The following COL5A1 variants were observed in gnomAD, a reference collection of about 807,000 sequenced individuals.
COL5A1 encodes collagen type V alpha 1 chain.
A neutral mutation model predicts 263.7 loss-of-function variants in COL5A1; 16 were observed. The observed-to-expected ratio is 0.06, with a 90% CI of 0.04 to 0.09. The LOEUF is 0.09. Ranked by LOEUF, COL5A1 falls within the 10% of genes least tolerant of loss-of-function variation. The pLI is 1.00. For missense variants in COL5A1, 2,036 were observed against 2,540.5 expected, an observed-to-expected ratio of 0.80 and a Z score of 4.27; for synonymous variants, 1,012 against 1,004.5, an observed-to-expected ratio of 1.01 and a Z score of -0.14.
chr9:134,658,031 G>A (rs1039384419), intron 1 of COL5A1, among the ~76,000 whole-genome samples: 5 of 151,970 alleles, frequency 3.3e-5, no homozygotes, highest in Admixed American at 6.5e-5. Flanking sequence ...GACTGCACTC[G>A]GAGTCCTGTC....
intron 2 of COL5A1, among the ~76,000 whole-genome samples, 154 bp from the exon 3 acceptor site, chr9:134,699,755 T>C (rs973956531): frequency 2.0e-5 from 3 of 152,130 alleles, no homozygotes; most frequent in African/African-American, 7.2e-5. Context: ...CAGGAGCAGT[T>C]TGATCAAGGG....
At chr9:134,713,987 C>G (rs1054534576) in intron 4 of COL5A1, among the ~76,000 whole-genome samples, 1 of 152,206 alleles carries the variant, frequency 6.6e-6, no homozygotes, top group Non-Finnish European at 1.5e-5. Flanking sequence ...TCTGAGCAAC[C>G]TTCTCCGTGA....
chr9:134,832,165 G>A (rs1416025947), intron 64 of COL5A1, among the ~76,000 whole-genome samples: 2 of 152,288 alleles, frequency 1.3e-5, no homozygotes, highest in East Asian at 1.9e-4. Flanking sequence ...CAGCACTTTG[G>A]GAGGCTGAGG....
At chr9:134,832,733 CT>C (rs1488040055) in intron 64 of COL5A1, 11 of 152,294 alleles carry the variant, frequency 7.2e-5, no homozygotes, top group Non-Finnish European at 1.5e-5. Flanking sequence ...TTCACTTTTC[CT>C]CCTCAAGGTT....
At chr9:134,809,106 C>A in intron 42 of COL5A1, 77 bp from the exon 43 acceptor site, 3 of 1,250,770 alleles carry the variant, frequency 2.4e-6, no homozygotes, top group Non-Finnish European at 3.4e-6. Context: ...GCGGATCCCT[C>A]TCTTGGGTAA....
intron 18 of COL5A1, 55 bp from the exon 19 acceptor site, chr9:134,761,870 C>T (rs992562229): frequency 6.4e-7 from 1 of 1,559,018 alleles, no homozygotes; most frequent in Non-Finnish European, 8.8e-7. Context: ...GGACCTTGGA[C>T]AAGCCCTGCA....
chr9:134,682,808 G>C lies in COL5A1; in HGVS notation c.110-8104G>C, dbSNP rs925709149. ...CCTGTGCATTTGTTGGCAAAAAGGA[G>C]CAGGCTCTGATGGATCGCAAATGCC... is the stretch of plus-strand genomic sequence containing the variant. On this transcript the variant is annotated intron_variant, in intron 1 of 65. Transcript: ENST00000371817. This position sits in a 1 kb window ranked among gnomAD's most constrained non-coding sequence, Gnocchi z 5.1. 7.2e-5 allele frequency among the ~76,000 whole-genome samples: 11 copies of C among 152,352 alleles called. No individual in the cohort carries two copies. Among genetic ancestry groups the C allele is most frequent in the Admixed American group, 5.9e-4 (9 of 15,302 alleles).
intron 25 of COL5A1, among the ~76,000 whole-genome samples, chr9:134,770,194 A>G (rs945075354): frequency 6.6e-6 from 1 of 152,248 alleles, no homozygotes; most frequent in Non-Finnish European, 1.5e-5. Flanking sequence ...CTCCTTTGCA[A>G]AGGCAGCACA....
chr9:134,734,591 T>C (rs1219565445), intron 9 of COL5A1, among the ~76,000 whole-genome samples: 3 of 152,258 alleles, frequency 2.0e-5, no homozygotes, highest in Non-Finnish European at 4.4e-5. Flanking sequence ...GAGATGCATC[T>C]GTTCCAGGGG....
intron 16 of COL5A1, among the ~76,000 whole-genome samples, chr9:134,756,077 C>T (rs955921174): frequency 6.6e-6 from 1 of 152,150 alleles, no homozygotes; most frequent in Non-Finnish European, 1.5e-5. Flanking sequence ...GACCCTGTTC[C>T]CTTGCAGGGC....
chr9:134,838,610 G>A (rs867894932), intron 65 of COL5A1, among the ~76,000 whole-genome samples: 6 of 152,218 alleles, frequency 3.9e-5, no homozygotes, highest in African/African-American at 4.8e-5. Context: ...CATGGCAGGC[G>A]TTCCTGAGTT....
intron 1 of COL5A1, among the ~76,000 whole-genome samples, chr9:134,666,969 T>A (rs184543250): frequency 4.6e-5 from 7 of 152,260 alleles, no homozygotes; most frequent in Admixed American, 4.6e-4. Flanking sequence ...CCAGTGCTGA[T>A]GACAGGGTGA....
chr9:134,777,300 C>G (rs536990060), intron 27 of COL5A1, among the ~76,000 whole-genome samples: 40 of 152,372 alleles, frequency 2.6e-4, no homozygotes, highest in African/African-American at 8.9e-4. Context: ...TGGTCCCAGC[C>G]GTGCTGCAGC....
At position 134,716,333 on chromosome 9, in the gene COL5A1, C is replaced by T. The variant is rs185322970; in HGVS notation, c.655-10933C>T. Among the ~76,000 whole-genome samples, 39 of 152,316 alleles carry T rather than the reference C, an allele frequency of 2.6e-4. No homozygotes were observed. The highest frequency in any genetic ancestry group is 8.9e-4 in the African/African-American group (37 of 41,576). The stretch of plus-strand genomic sequence containing the variant: ...AGTGCCTTCCCTGTGCCATTCTTCT[C>T]GGGCAGTGCTGCCAAGGGTCAGGTG... On this transcript the variant is annotated intron_variant, in intron 4 of 65. Coordinates refer to ENST00000371817, the MANE Select transcript of COL5A1 (RefSeq NM_000093.5). The surrounding 1 kb of genome is among the most constrained non-coding windows in gnomAD (Gnocchi z 4.5).
rs1830118537 is a variant in COL5A1 at position 134,842,043 on chromosome 9, G to A, written c.5371-114G>A. 2 of 1,233,318 alleles carry A rather than the reference G, an allele frequency of 1.6e-6. No individual in the cohort carries two copies. The highest frequency in any genetic ancestry group is 4.9e-5 in the East Asian group (2 of 41,066). 76.4% of individuals were successfully genotyped at this position (1,233,318 alleles called of 1,614,324 possible). The stretch of plus-strand genomic sequence containing the variant: ...CCCGGGCAAGCGCAGCCCTGGGTAG[G>A]AGACAGGACACCAGCCTGGGTTTTG... On this transcript the variant is annotated intron_variant, in intron 65 of 65. Coordinates refer to ENST00000371817, the MANE Select transcript of COL5A1 (RefSeq NM_000093.5). The surrounding 1 kb of genome is among the most constrained non-coding windows in gnomAD (Gnocchi z 5.8).
At chr9:134,752,539 G>A (rs772626677) in intron 13 of COL5A1, 50 bp from the exon 14 acceptor site, 3 of 1,455,334 alleles carry the variant, frequency 2.1e-6, no homozygotes, top group African/African-American at 1.4e-5. Flanking sequence ...CAGCAAACCG[G>A]AGCACTGCTG....
chr9:134,722,220 G>C (rs535190984), intron 4 of COL5A1, among the ~76,000 whole-genome samples: 1 of 152,350 alleles, frequency 6.6e-6, no homozygotes, highest in South Asian at 2.1e-4. Flanking sequence ...ACTATTGTCT[G>C]TTCACTGCTG....
intron 11 of COL5A1, among the ~76,000 whole-genome samples, chr9:134,744,951 G>A (rs1008306306): frequency 3.9e-5 from 6 of 152,242 alleles, no homozygotes; most frequent in Non-Finnish European, 8.8e-5. Context: ...ACATGCACGC[G>A]TGCGCTGTCT....
rs1838995208 is a variant in COL5A1, at chr9:134,821,419, C to G, written c.4555-678C>G. ...CGCTCCCTCCCCAGTGAAATACGGC[C>G]ATCAGCCCTCCGCTACCCTCGCCCC... On this transcript the variant is annotated intron_variant, in intron 58 of 65. Transcript: ENST00000371817. The surrounding 1 kb of genome is among the most constrained non-coding windows in gnomAD (Gnocchi z 4.2). 6.6e-6 allele frequency among the ~76,000 whole-genome samples: 1 copy of G among 152,164 alleles called. No homozygotes were observed. The highest frequency in any genetic ancestry group is 6.5e-5 in the Admixed American group (1 of 15,276).
Sources: gnomAD v4.1 joint callset for allele counts (sites outside exome capture counted in the v4.1 genomes callset) on GRCh38, gnomAD v4.1.1 for gene constraint, Gnocchi (gnomAD v3.1) non-coding constraint, MANE v1.5 for transcripts, NCBI Gene and HGNC (gene_info 2026-07-23, HGNC 2026-07-21) for gene names.